TRAF3: variants seen among roughly 807,000 people sequenced by gnomAD.
TRAF3 encodes the protein TNF receptor associated factor 3.
Under a neutral mutation model 62.3 loss-of-function variants are expected in TRAF3, and 13 were observed. That is an observed-to-expected ratio of 0.21 (90% CI 0.14 to 0.33). The LOEUF is 0.33. Ranked by LOEUF, TRAF3 falls within the 10% of genes least tolerant of loss-of-function variation. The pLI is 1.00. For synonymous variants in TRAF3, 269 were observed against 283.4 expected, an observed-to-expected ratio of 0.95 and a Z score of 0.51; for missense variants, 440 against 741.8, an observed-to-expected ratio of 0.59 and a Z score of 4.73.
intron 2 of TRAF3, among the ~76,000 whole-genome samples, chr14:102,844,483 G>A (rs1400486944): frequency 1.3e-5 from 2 of 152,150 alleles, no homozygotes; most frequent in African/African-American, 4.8e-5. Flanking sequence ...GTTCAGAGAT[G>A]AGCCAACTCT....
intron 6 of TRAF3, chr14:102,876,769 CG>C (rs1265385831): frequency 1.3e-5 from 7 of 522,230 alleles, no homozygotes; most frequent in East Asian, 7.4e-5. Flanking sequence ...ACAGGCCTTC[CG>C]CTCAGCTCAC....
chr14:102,792,113 CTTTTT>C lies in TRAF3; in HGVS notation c.-157+14461_-157+14465del, dbSNP rs35895214. ...ACAGGTGCGAGCCACTGTGCCTGGA[CTTTTT>C]TTTTTTTTTTTTTTTTTTTTTTATC... On this transcript the variant is annotated intron_variant, in intron 1 of 11. Coordinates refer to ENST00000392745, the MANE Select transcript of TRAF3 (RefSeq NM_145725.3). 6.1e-5 allele frequency among the ~76,000 whole-genome samples: 6 copies of C among 97,694 alleles called. 1 individual carries two copies. Among genetic ancestry groups the C allele is most frequent in the East Asian group, 2.8e-4 (1 of 3,536 alleles). The allele number at this position is 97,694 out of a possible 152,430, so 64.1% of individuals were successfully genotyped here.
intron 1 of TRAF3, among the ~76,000 whole-genome samples, chr14:102,811,913 C>CTTT (rs71119743): frequency 0.012 from 557 of 47,010 alleles, 127 homozygotes; most frequent in Middle Eastern, 0.024. Flanking sequence ...ATGCCTGGCC[C>CTTT]TTTTTTTTTT....
intron 2 of TRAF3, among the ~76,000 whole-genome samples, chr14:102,839,595 A>T (rs1886253079): frequency 6.6e-6 from 1 of 152,206 alleles, no homozygotes; most frequent in African/African-American, 2.4e-5. Context: ...TTGACTTGGC[A>T]GCAGTTGCTG....
chr14:102,790,488 C>G (rs530461879), intron 1 of TRAF3, among the ~76,000 whole-genome samples: 1 of 152,266 alleles, frequency 6.6e-6, no homozygotes, highest in African/African-American at 2.4e-5. Flanking sequence ...CTCATTGTTT[C>G]ACATGGCTGG....
At chr14:102,874,366 C>T (rs531932718) in intron 4 of TRAF3, among the ~76,000 whole-genome samples, 2 of 152,274 alleles carry the variant, frequency 1.3e-5, no homozygotes, top group Non-Finnish European at 2.9e-5. Flanking sequence ...AAGCGATTCC[C>T]CTGCCTCAGC....
At chr14:102,833,290 C>A (rs922936877) in intron 2 of TRAF3, among the ~76,000 whole-genome samples, 28 of 152,210 alleles carry the variant, frequency 1.8e-4, no homozygotes, top group Non-Finnish European at 3.2e-4. Flanking sequence ...CTACCCTTTC[C>A]TTATAGGACT....
rs932130241 is a variant in TRAF3 at position 102,784,949 on chromosome 14, C to G, written c.-157+7274C>G. ...AGGGGAGAGGGTACAGGAAAAGGCA[C>G]CCGGCCACTTCTGGGTGCTGCCTTT... On this transcript the variant is annotated intron_variant, in intron 1 of 11. Transcript: ENST00000392745. 2.0e-5 allele frequency among the ~76,000 whole-genome samples: 3 copies of G among 152,110 alleles called. No homozygotes were observed. In the East Asian group the frequency reaches 5.8e-4, roughly 29 times the overall value.
chr14:102,876,280 TG>T, intron 5 of TRAF3, 77 bp from the exon 6 acceptor site: 1 of 1,510,934 alleles, frequency 6.6e-7, no homozygotes, highest in East Asian at 2.3e-5. Flanking sequence ...AGGGTTTCAT[TG>T]CATAGAGATT....
rs150442162 is a variant in TRAF3 at position 102,813,702 on chromosome 14, C to T, written c.-156-16632C>T. Among the ~76,000 whole-genome samples, 170 of 152,218 alleles carry T rather than the reference C, an allele frequency of 1.1e-3. 5 individuals are homozygous for T. In the East Asian group the frequency reaches 0.031, roughly 27 times the overall value. ...CTGACCTCAGTTGATCCACCCGCCT[C>T]GGCCTCCCAAAGTGCCAGGATTACA... On this transcript the variant is annotated intron_variant, in intron 1 of 11. Coordinates refer to ENST00000392745, the MANE Select transcript of TRAF3 (RefSeq NM_145725.3).
At chr14:102,876,807 C>T (rs1888689695) in intron 6 of TRAF3, 1 of 444,390 alleles carries the variant, frequency 2.3e-6, no homozygotes, top group Admixed American at 3.4e-5. Context: ...AAGCCTTCCG[C>T]TCAATTCGTA....
intron 9 of TRAF3, 31 bp from the exon 10 acceptor site, chr14:102,897,230 G>C (rs1478000236): frequency 5.7e-6 from 9 of 1,590,788 alleles, no homozygotes; most frequent in Non-Finnish European, 7.7e-6. Flanking sequence ...AACCACTTTT[G>C]GTTACATTAA....
intron 1 of TRAF3, among the ~76,000 whole-genome samples, chr14:102,801,907 T>G (rs1267090121): frequency 6.7e-6 from 1 of 149,450 alleles, no homozygotes; most frequent in Non-Finnish European, 1.5e-5. Flanking sequence ...TCCCAGCTAC[T>G]CAGGAGGCTG....
intron 2 of TRAF3, among the ~76,000 whole-genome samples, chr14:102,862,951 C>CT (rs1363549024): frequency 6.6e-6 from 1 of 151,882 alleles, no homozygotes; most frequent in Non-Finnish European, 1.5e-5. Context: ...TTGTTTGGTT[C>CT]TTTTTTTAAA....
At chr14:102,885,297 A>G (rs1889313859) in intron 6 of TRAF3, among the ~76,000 whole-genome samples, 1 of 152,218 alleles carries the variant, frequency 6.6e-6, no homozygotes, top group Non-Finnish European at 1.5e-5. Context: ...TCAGCAGAAC[A>G]GCAACATAAC....
chr14:102,840,903 T>C (rs1886337121), intron 2 of TRAF3, among the ~76,000 whole-genome samples: 1 of 152,224 alleles, frequency 6.6e-6, no homozygotes, highest in African/African-American at 2.4e-5. Flanking sequence ...GTATTCCAGC[T>C]TATACCCCAC....
chr14:102,867,162 A>G (rs1888048591), intron 2 of TRAF3, among the ~76,000 whole-genome samples: 1 of 152,162 alleles, frequency 6.6e-6, no homozygotes, highest in Non-Finnish European at 1.5e-5. Context: ...GGCCTTTCGT[A>G]CAACCTACAC....
intron 1 of TRAF3, among the ~76,000 whole-genome samples, chr14:102,777,881 C>T (rs1359519982): frequency 4.7e-5 from 7 of 148,786 alleles, no homozygotes; most frequent in Non-Finnish European, 9.0e-5. Flanking sequence ...CGGGCTGCCT[C>T]CCGCCTCCGG....
chr14:102,813,448 CTT>C (rs1289735105), intron 1 of TRAF3, among the ~76,000 whole-genome samples: 3 of 149,612 alleles, frequency 2.0e-5, no homozygotes, highest in Non-Finnish European at 3.0e-5. Flanking sequence ...TTTTTCTTTT[CTT>C]TTCTTTTCTT....
Sources: gnomAD v4.1 joint callset for allele counts (sites outside exome capture counted in the v4.1 genomes callset) on GRCh38, gnomAD v4.1.1 for gene constraint, MANE v1.5 for transcripts, NCBI Gene and HGNC (gene_info 2026-07-23, HGNC 2026-07-21) for gene names.